The following CHRM2 variants were observed in gnomAD, a reference collection of about 807,000 sequenced individuals.
CHRM2 encodes muscarinic acetylcholine receptor M2.
CHRM2 carries 8 observed loss-of-function variants against 25.0 expected under a neutral mutation model. The ratio of observed to expected loss-of-function variants is 0.32; its 90% CI spans 0.19 to 0.58. The LOEUF is 0.58. CHRM2 is among the 20% of genes least tolerant of loss of function. CHRM2 has a pLI of 0.88. For synonymous variants in CHRM2, 202 were observed against 205.7 expected, an observed-to-expected ratio of 0.98 and a Z score of 0.15; for missense variants, 440 against 567.1, an observed-to-expected ratio of 0.78 and a Z score of 2.28.
chr7:136,911,842 T>A (rs992824394), intron 2 of CHRM2, among the ~76,000 whole-genome samples: 8 of 151,956 alleles, frequency 5.3e-5, no homozygotes, highest in Non-Finnish European at 1.0e-4. Context: ...GGCAGCTTAT[T>A]AGATATTGTG....
In CHRM2 at chr7:136,931,828, A is replaced by G. The variant is rs560190928; in HGVS notation, c.-124-60359A>G. Among the ~76,000 whole-genome samples, 102 of 152,340 alleles carry G rather than the reference A, an allele frequency of 6.7e-4. No individual in the cohort carries two copies. The South Asian group carries it at 0.019, about 28-fold the overall frequency. On this transcript the variant is annotated intron_variant, in intron 2 of 3. Transcript: ENST00000680005. ...TGAAAAATACACTTTGAATCCAGAT[A>G]TCCAGTTTCCCAAACAAGAATATCT...
chr7:136,932,894 G>C (rs780945226), intron 2 of CHRM2, among the ~76,000 whole-genome samples: 1 of 152,120 alleles, frequency 6.6e-6, no homozygotes, highest in Admixed American at 6.5e-5. Flanking sequence ...GCTGGGCATG[G>C]TGGCGTGCAC....
chr7:136,989,434 G>C (rs1803070283), intron 2 of CHRM2, among the ~76,000 whole-genome samples: 1 of 152,060 alleles, frequency 6.6e-6, no homozygotes, highest in African/African-American at 2.4e-5. Flanking sequence ...ATGCTTAATT[G>C]AGAAGTAGTT....
At chr7:136,920,484 C>T (rs145752447) in intron 2 of CHRM2, among the ~76,000 whole-genome samples, 1 of 152,200 alleles carries the variant, frequency 6.6e-6, no homozygotes, top group East Asian at 1.9e-4. Flanking sequence ...ATACTGACCA[C>T]ATTTTTGAGG....
chr7:136,890,557 G>C (rs991764330), intron 2 of CHRM2, among the ~76,000 whole-genome samples: 17 of 152,184 alleles, frequency 1.1e-4, no homozygotes, highest in Non-Finnish European at 1.9e-4. Context: ...TCTATCAGGA[G>C]TGTTCTAGGG....
At chr7:137,004,210 A>G (rs1584911235) in intron 3 of CHRM2, among the ~76,000 whole-genome samples, 1 of 152,286 alleles carries the variant, frequency 6.6e-6, no homozygotes, top group East Asian at 1.9e-4. Flanking sequence ...GTATTTAAAT[A>G]CTTCTGTATG....
At chr7:136,935,488 G>C (rs1799361527) in intron 2 of CHRM2, among the ~76,000 whole-genome samples, 1 of 152,044 alleles carries the variant, frequency 6.6e-6, no homozygotes, top group Admixed American at 6.6e-5. Context: ...GTTTAAACAA[G>C]AATAAAGAGG....
intron 3 of CHRM2, among the ~76,000 whole-genome samples, chr7:136,996,514 G>A (rs2131041526): frequency 6.6e-6 from 1 of 152,146 alleles, no homozygotes; most frequent in East Asian, 1.9e-4. Flanking sequence ...TTGGGATTTT[G>A]CTACCCAAAA....
chr7:136,942,880 T>C (rs1799855921), intron 2 of CHRM2, among the ~76,000 whole-genome samples: 2 of 152,078 alleles, frequency 1.3e-5, no homozygotes, highest in Non-Finnish European at 2.9e-5. Context: ...CTCTTCAAAA[T>C]TTTTCTTTGT....
At position 137,015,045 on chromosome 7, in the gene CHRM2, C is replaced by T. The variant is rs2131131055; in HGVS notation, c.180C>T (p.Tyr60=). 2 of 1,613,424 alleles carry T rather than the reference C, an allele frequency of 1.2e-6. No individual in the cohort carries two copies. Among genetic ancestry groups the T allele is most frequent in the Non-Finnish European group, 1.7e-6 (2 of 1,179,590 alleles). Reference sequence around the variant, plus strand: ...GCCACCTCCAGACCGTCAACAATTACTTTTTATTCAGCTTGGCCTGTGCTG... The same window carrying T: ...GCCACCTCCAGACCGTCAACAATTATTTTTTATTCAGCTTGGCCTGTGCTG... ...VNRHLQTVNN[Y]FLFSLACADL... is the part of the protein sequence containing the mutation. Residue 60 remains tyrosine (Y), a synonymous_variant, in exon 4 of 4, where the codon TAC becomes TAT. Transcript: ENST00000680005. This position sits in a 1 kb window ranked among gnomAD's most constrained non-coding sequence, Gnocchi z 5.1.
At chr7:136,920,870 T>C (rs1460124085) in intron 2 of CHRM2, among the ~76,000 whole-genome samples, 1 of 152,080 alleles carries the variant, frequency 6.6e-6, no homozygotes, top group Non-Finnish European at 1.5e-5. Flanking sequence ...CTTGTTACTA[T>C]CACGAAAAAT....
chr7:136,904,108 T>C (rs1425983367), intron 2 of CHRM2, among the ~76,000 whole-genome samples: 2 of 151,932 alleles, frequency 1.3e-5, no homozygotes, highest in Non-Finnish European at 2.9e-5. Flanking sequence ...AAAAGTTTGT[T>C]TTTTTAATTT....
At chr7:136,913,760 A>C (rs2130698139) in intron 2 of CHRM2, among the ~76,000 whole-genome samples, 2 of 152,082 alleles carry the variant, frequency 1.3e-5, no homozygotes, top group South Asian at 4.1e-4. Flanking sequence ...ATTATTTTAA[A>C]AAATTATAAA....
At chr7:136,912,928 A>G (rs571664847) in intron 2 of CHRM2, among the ~76,000 whole-genome samples, 252 of 152,070 alleles carry the variant, frequency 1.7e-3, no homozygotes, top group African/African-American at 5.2e-3. Context: ...AATCTGGTGA[A>G]GAGTTGACTG....
chr7:137,000,491 C>T lies in CHRM2; in HGVS notation c.-47+8227C>T, dbSNP rs185546831. Among the ~76,000 whole-genome samples the T allele has an allele frequency of 1.9e-4, 26 of 139,384 alleles. No homozygotes were observed. The South Asian group carries it at 4.0e-3, about 22-fold the overall frequency. The allele number at this position is 139,384 out of a possible 152,430, so 91.4% of individuals were successfully genotyped here. On this transcript the variant is annotated intron_variant, in intron 3 of 3. Transcript: ENST00000680005. ...CTGGGATTACAGGTGTGAGCCACCGCGCCTAGTCTCATAATATATTATTAT... is the reference window on the plus strand; with the variant it reads ...CTGGGATTACAGGTGTGAGCCACCGTGCCTAGTCTCATAATATATTATTAT...
At chr7:136,932,407 C>A (rs1799158912) in intron 2 of CHRM2, among the ~76,000 whole-genome samples, 1 of 152,162 alleles carries the variant, frequency 6.6e-6, no homozygotes, top group South Asian at 2.1e-4. Flanking sequence ...TATATCAAAT[C>A]TTTGACAAAA....
At chr7:136,973,967 A>T (rs1046442471) in intron 2 of CHRM2, among the ~76,000 whole-genome samples, 1 of 152,178 alleles carries the variant, frequency 6.6e-6, no homozygotes, top group African/African-American at 2.4e-5. Flanking sequence ...TTAAGAATGG[A>T]TAATAGTGAA....
intron 2 of CHRM2, among the ~76,000 whole-genome samples, chr7:136,878,657 T>C (rs1796141039): frequency 6.6e-6 from 1 of 151,882 alleles, no homozygotes; most frequent in Admixed American, 6.6e-5. Flanking sequence ...ACCTATGCCA[T>C]TTCTTTACAT....
chr7:136,900,723 A>G (rs1298258602), intron 2 of CHRM2, among the ~76,000 whole-genome samples: 1 of 152,076 alleles, frequency 6.6e-6, no homozygotes, highest in African/African-American at 2.4e-5. Context: ...TTTTAAAAAA[A>G]GAATTGTTAT....
Sources: gnomAD v4.1 joint callset for allele counts (sites outside exome capture counted in the v4.1 genomes callset) on GRCh38, gnomAD v4.1.1 for gene constraint, Gnocchi (gnomAD v3.1) non-coding constraint, MANE v1.5 for transcripts, NCBI Gene and HGNC (gene_info 2026-07-23, HGNC 2026-07-21) for gene names.